Variants in RNF11 observed in about 807,000 individuals in gnomAD.
RNF11 encodes ring finger protein 11.
RNF11 carries 4 observed loss-of-function variants against 15.8 expected under a neutral mutation model. The ratio of observed to expected loss-of-function variants is 0.25; its 90% CI spans 0.12 to 0.58. The LOEUF (loss-of-function observed/expected upper bound fraction) is 0.58. Ranked by LOEUF, RNF11 falls within the 20% of genes least tolerant of loss-of-function variation. RNF11 has a pLI of 0.91. For missense variants in RNF11, 139 were observed against 194.4 expected (o/e 0.71, Z 1.70); for synonymous variants, 68 against 72.3 (o/e 0.94, Z 0.30).
At chr1:51,268,199 TATC>T (rs1404697222) in intron 1 of RNF11, among the ~76,000 whole-genome samples, 1 of 152,182 alleles carries the variant, frequency 6.6e-6, no homozygotes, top group African/African-American at 2.4e-5. Flanking sequence ...TTAAAACAAG[TATC>T]ATGGGAATTA....
chr1:51,249,505 A>G (rs1646867447), intron 1 of RNF11, among the ~76,000 whole-genome samples: 1 of 152,146 alleles, frequency 6.6e-6, no homozygotes, highest in Non-Finnish European at 1.5e-5. Flanking sequence ...AACAGTTAGT[A>G]CCTTTTTTCC....
chr1:51,266,834 G>A (rs1462938605), intron 1 of RNF11, among the ~76,000 whole-genome samples: 1 of 152,192 alleles, frequency 6.6e-6, no homozygotes, highest in Non-Finnish European at 1.5e-5. Context: ...GAACATAAGT[G>A]CTTTGATTTA....
intron 1 of RNF11, among the ~76,000 whole-genome samples, chr1:51,265,368 A>G (rs1246362218): frequency 1.3e-5 from 2 of 151,074 alleles, no homozygotes; most frequent in African/African-American, 4.9e-5. Flanking sequence ...CTGCTTCAGC[A>G]TATTTTATAA....
At chr1:51,258,990 A>G (rs564688304) in intron 1 of RNF11, among the ~76,000 whole-genome samples, 1 of 152,364 alleles carries the variant, frequency 6.6e-6, no homozygotes, top group African/African-American at 2.4e-5. Flanking sequence ...AAAAACTACC[A>G]GAAAAAGGAC....
At chr1:51,252,081 CAAAAAAAAA>C (rs928146865) in intron 1 of RNF11, among the ~76,000 whole-genome samples, 1 of 53,636 alleles carries the variant, frequency 1.9e-5, no homozygotes, top group South Asian at 8.4e-4. Flanking sequence ...CATCTCAAAG[CAAAAAAAAA>C]AAAAAAAAAA....
chr1:51,270,459 G>A (rs1267311679), intron 2 of RNF11, among the ~76,000 whole-genome samples: 3 of 151,954 alleles, frequency 2.0e-5, no homozygotes, highest in East Asian at 1.9e-4. Flanking sequence ...CTGAAAATAC[G>A]AAAATTAGCC....
chr1:51,251,858 C>T (rs2148068740), intron 1 of RNF11, among the ~76,000 whole-genome samples: 1 of 152,200 alleles, frequency 6.6e-6, no homozygotes, highest in South Asian at 2.1e-4. Context: ...GTGGGTGGAT[C>T]ACTTGAGGTC....
intron 1 of RNF11, among the ~76,000 whole-genome samples, chr1:51,242,204 T>C (rs1205375188): frequency 6.6e-6 from 1 of 152,082 alleles, no homozygotes; most frequent in African/African-American, 2.4e-5. Flanking sequence ...GCCGCTTACA[T>C]GTAAAATATG....
At chr1:51,251,197 C>T in intron 1 of RNF11, 1 of 1,443,204 alleles carries the variant, frequency 6.9e-7, no homozygotes, top group South Asian at 1.2e-5. Context: ...AGGAAAAAGT[C>T]AATGATCTCT....
At position 51,248,422 on chromosome 1, in the gene RNF11, G is replaced by A. The variant is rs991214661; in HGVS notation, c.123+11543G>A. Among the ~76,000 whole-genome samples, 4 of 151,890 alleles carry A rather than the reference G, an allele frequency of 2.6e-5. No homozygotes were observed. The East Asian group carries it at 5.8e-4, about 22-fold the overall frequency. On this transcript the variant is annotated intron_variant, in intron 1 of 2. Coordinates refer to ENST00000242719, the MANE Select transcript of RNF11 (RefSeq NM_014372.5). ...GGTTTCTCCATGTCAGGCTGGTGTC[G>A]AACTCCCGACCTCAGGTGATCCGCT... is the stretch of plus-strand genomic sequence containing the variant.
intron 1 of RNF11, among the ~76,000 whole-genome samples, chr1:51,253,902 G>A (rs1232914994): frequency 1.3e-5 from 2 of 151,976 alleles, no homozygotes; most frequent in African/African-American, 4.8e-5. Context: ...GGGATGTGGA[G>A]GCGGGAGGAT....
At chr1:51,239,174 C>T (rs1386228475) in intron 1 of RNF11, among the ~76,000 whole-genome samples, 2 of 152,170 alleles carry the variant, frequency 1.3e-5, no homozygotes, top group Non-Finnish European at 2.9e-5. Flanking sequence ...TATCCCCTTT[C>T]TTAATTGAAT....
In RNF11 at chr1:51,262,972, T is replaced by G. The variant is rs551173770; in HGVS notation, c.124-6984T>G. Among the ~76,000 whole-genome samples the G allele has an allele frequency of 7.9e-5, 12 of 152,232 alleles. No individual in the cohort carries two copies. In the South Asian group the frequency reaches 1.7e-3, roughly 21 times the overall value. Reference sequence around the variant, plus strand: ...ACTTGAATGGTTATAATAAAAAGATTAAGTTTAAGCAATGCTGTAGAGAAA... The same window carrying G: ...ACTTGAATGGTTATAATAAAAAGATGAAGTTTAAGCAATGCTGTAGAGAAA... On this transcript the variant is annotated intron_variant, in intron 1 of 2. Transcript: ENST00000242719.
intron 1 of RNF11, among the ~76,000 whole-genome samples, chr1:51,246,066 GAC>G (rs1646850411): frequency 6.6e-6 from 1 of 152,072 alleles, no homozygotes; most frequent in Admixed American, 6.6e-5. Context: ...AGGAGTTTGA[GAC>G]CAGCCTGACC....
At chr1:51,266,023 C>G (rs1179579263) in intron 1 of RNF11, 1 of 152,010 alleles carries the variant, frequency 6.6e-6, no homozygotes, top group Non-Finnish European at 1.5e-5. Flanking sequence ...GGCCTCCAAC[C>G]CTTTATTAAG....
At chr1:51,238,911 G>GTA (rs1478014817) in intron 1 of RNF11, among the ~76,000 whole-genome samples, 1 of 152,022 alleles carries the variant, frequency 6.6e-6, no homozygotes, top group East Asian at 1.9e-4. Flanking sequence ...TGTATTTTTA[G>GTA]TAAAGACGGG....
chr1:51,246,097 C>T (rs947452870), intron 1 of RNF11, among the ~76,000 whole-genome samples: 28 of 152,020 alleles, frequency 1.8e-4, no homozygotes, highest in African/African-American at 6.8e-4. Flanking sequence ...GAAACCCCGT[C>T]TCTACTAAAA....
chr1:51,239,256 CTG>C (rs376886706), intron 1 of RNF11, among the ~76,000 whole-genome samples: 2 of 152,036 alleles, frequency 1.3e-5, no homozygotes, highest in Non-Finnish European at 2.9e-5. Flanking sequence ...TTTATGGAAA[CTG>C]TGTTTGCCTT....
intron 1 of RNF11, among the ~76,000 whole-genome samples, chr1:51,237,442 G>GTATATATATATATATATATATATGTATA (rs66523963): frequency 2.8e-5 from 4 of 140,510 alleles, no homozygotes; most frequent in Non-Finnish European, 6.2e-5. Flanking sequence ...ATATATATGT[G>GTATATATATATATATATATATATGTATA]TATATATATA....
Sources: allele counts gnomAD v4.1 joint callset (sites outside exome capture counted in the v4.1 genomes callset), GRCh38; gene constraint gnomAD v4.1.1; transcripts MANE v1.5; gene names NCBI Gene and HGNC (gene_info 2026-07-23, HGNC 2026-07-21).